Variants in HIBCH observed in about 807,000 individuals in gnomAD.
The protein encoded by HIBCH is 3-hydroxyisobutyryl-CoA hydrolase, also known as 3-hydroxyisobutyryl-CoA hydrolase, mitochondrial.
Under a neutral mutation model 58.2 loss-of-function variants are expected in HIBCH, and 50 were observed. The ratio of observed to expected loss-of-function variants is 0.86; its 90% CI spans 0.68 to 1.09. The LOEUF is 1.09. Among genes scored for constraint, HIBCH ranks in the 50% least tolerant of loss-of-function variants. The pLI is 0.00. For missense variants in HIBCH, 450 were observed against 449.7 expected (o/e 1.00, Z -0.01); for synonymous variants, 151 against 146.9 (o/e 1.03, Z -0.20).
At chr2:190,229,420 G>A (rs1334232929) in intron 11 of HIBCH, among the ~76,000 whole-genome samples, 2 of 152,124 alleles carry the variant, frequency 1.3e-5, no homozygotes, top group African/African-American at 2.4e-5. Context: ...CTGAATAAAG[G>A]CTGTAGCATA....
chr2:190,291,458 G>A (rs1197566194), intron 4 of HIBCH, among the ~76,000 whole-genome samples: 6 of 152,024 alleles, frequency 3.9e-5, no homozygotes, highest in Non-Finnish European at 8.8e-5. Flanking sequence ...ATGACAGAAA[G>A]AAAAATTCTG....
At chr2:190,196,866 G>C (rs1690003461) in intron 1 of HIBCH, among the ~76,000 whole-genome samples, 1 of 152,126 alleles carries the variant, frequency 6.6e-6, no homozygotes, top group African/African-American at 2.4e-5. Flanking sequence ...GTCCATTCAG[G>C]ATGGTATAAC....
chr2:190,193,068 C>G (rs75606571), intron 1 of HIBCH, among the ~76,000 whole-genome samples: 3 of 152,092 alleles, frequency 2.0e-5, no homozygotes, highest in Non-Finnish European at 4.4e-5. Context: ...ATGACTATTG[C>G]TGCCTTGCTC....
At chr2:190,257,006 C>A (rs978424166) in intron 7 of HIBCH, among the ~76,000 whole-genome samples, 2 of 152,006 alleles carry the variant, frequency 1.3e-5, no homozygotes, top group Admixed American at 6.6e-5. Flanking sequence ...TTCCTGAAAA[C>A]GGAATGGGTG....
At chr2:190,200,784 G>GAGAT (rs1292057367), downstream of HIBCH, 1 of 167,512 alleles carries the variant, frequency 6.0e-6, no homozygotes, top group African/African-American at 2.4e-5. Context: ...AGCCATCTTA[G>GAGAT]AGATAACAGT....
chr2:190,206,152 G>C lies in HIBCH; in HGVS notation c.1046-920C>G, dbSNP rs976450093. On this transcript the variant is annotated intron_variant, in intron 13 of 13. Transcript: ENST00000359678. The surrounding 1 kb of genome is among the most constrained non-coding windows in gnomAD (Gnocchi z 5.1). Reference sequence around the variant, plus strand: ...GCTAAAATAGTTAAAGAAGCAGTATGGGAACCAAGGAAGAAGACTGCCTTG... The same window carrying C: ...GCTAAAATAGTTAAAGAAGCAGTATCGGAACCAAGGAAGAAGACTGCCTTG... Among the ~76,000 whole-genome samples, 5 of 152,160 alleles carry C rather than the reference G, an allele frequency of 3.3e-5. No homozygotes were observed. The highest frequency in any genetic ancestry group is 7.4e-5 in the Non-Finnish European group (5 of 68,022).
At chr2:190,319,346 T>C (rs1414763307) in intron 1 of HIBCH, among the ~76,000 whole-genome samples, 1 of 152,228 alleles carries the variant, frequency 6.6e-6, no homozygotes, top group Non-Finnish European at 1.5e-5. Context: ...AGCACCTGTG[T>C]GTGCTGGCTG....
Position 190,243,278 on chromosome 2 carries a change from G to A in HIBCH, c.891+1609C>T, listed in dbSNP as rs2105931703. ...CCTGTATCTTTCTCCCATGCTGGAT[G>A]CTTCCTGCCCTTGAACATCAGACCC... On this transcript the variant is annotated intron_variant, in intron 11 of 13. Coordinates refer to ENST00000359678, the MANE Select transcript of HIBCH (RefSeq NM_014362.4). This position sits in a 1 kb window ranked among gnomAD's most constrained non-coding sequence, Gnocchi z 4.1. 6.6e-6 allele frequency among the ~76,000 whole-genome samples: 1 copy of A among 152,278 alleles called. No homozygotes were observed. Among genetic ancestry groups the A allele is most frequent in the East Asian group, 1.9e-4 (1 of 5,192 alleles).
intron 7 of HIBCH, among the ~76,000 whole-genome samples, chr2:190,259,319 A>ATGTATGTGTG (rs1553501619): frequency 2.5e-4 from 30 of 122,204 alleles, no homozygotes; most frequent in Non-Finnish European, 3.9e-4. Context: ...CAGTATACAG[A>ATGTATGTGTG]TGTGTGTGTG....
At chr2:190,232,291 C>CCAAA (rs1686124248) in intron 11 of HIBCH, among the ~76,000 whole-genome samples, 1 of 152,070 alleles carries the variant, frequency 6.6e-6, no homozygotes, top group Non-Finnish European at 1.5e-5. Flanking sequence ...TCAAAAAACA[C>CCAAA]CAAATATCTA....
chr2:190,195,369 G>GAATC lies in HIBCH; in HGVS notation c.*18-5373_*18-5372insGATT, dbSNP rs199963566. Among the ~76,000 whole-genome samples, 1,135 of 152,320 alleles carry GAATC rather than the reference G, an allele frequency of 7.5e-3. 5 individuals are homozygous for GAATC. Among genetic ancestry groups the GAATC allele is most frequent in the Middle Eastern group, 0.014 (4 of 294 alleles). ...GCAGAACTGCTGGATCATACAGTAA[G>GAATC]AATGTTTCACTTTCTAAGAAACTGC... On this transcript the variant is annotated intron_variant, in intron 1 of 1. Transcript: ENST00000399855.
intron 9 of HIBCH, among the ~76,000 whole-genome samples, 179 bp from the exon 10 acceptor site, chr2:190,246,391 C>G (rs1686609298): frequency 6.6e-6 from 1 of 152,182 alleles, no homozygotes; most frequent in Non-Finnish European, 1.5e-5. Context: ...ATGTAGAACT[C>G]TAGACTAGCT....
chr2:190,196,056 C>T lies in HIBCH; in HGVS notation c.*18-6059G>A, dbSNP rs567135336. On this transcript the variant is annotated intron_variant, in intron 1 of 1. Coordinates refer to the HIBCH transcript ENST00000399855. ...AACTAGTCTGATCATCTCTGCCTTT[C>T]AATTGTTATTTTTAGTCCATTTTCT... 1.8e-4 allele frequency among the ~76,000 whole-genome samples: 22 copies of T among 123,846 alleles called. No homozygotes were observed. In the East Asian group the frequency reaches 4.9e-3, roughly 28 times the overall value. The allele number at this position is 123,846 out of a possible 152,430, so 81.2% of individuals were successfully genotyped here. A position where few individuals can be genotyped will look rare whatever the true frequency, so the allele number is the denominator to read the frequency against.
At chr2:190,259,672 A>G (rs1687032759) in intron 7 of HIBCH, among the ~76,000 whole-genome samples, 1 of 152,178 alleles carries the variant, frequency 6.6e-6, no homozygotes, top group African/African-American at 2.4e-5. Flanking sequence ...TAGTGTATAG[A>G]AATGCTGATT....
chr2:190,248,954 C>T (rs1449652426), intron 9 of HIBCH, among the ~76,000 whole-genome samples: 1 of 152,098 alleles, frequency 6.6e-6, no homozygotes, highest in Non-Finnish European at 1.5e-5. Flanking sequence ...GACCTAGTCC[C>T]TTTAGAAGGG....
At chr2:190,221,719 C>T (rs112273259) in intron 11 of HIBCH, among the ~76,000 whole-genome samples, 501 of 152,258 alleles carry the variant, frequency 3.3e-3, no homozygotes, top group African/African-American at 0.012. Flanking sequence ...AAAAACCTCA[C>T]CCAGCAGAGA....
chr2:190,318,662 A>G (rs970931418), intron 1 of HIBCH, among the ~76,000 whole-genome samples: 1 of 152,216 alleles, frequency 6.6e-6, no homozygotes, highest in African/African-American at 2.4e-5. Context: ...AAGTCAGCTA[A>G]CTTTAACAAA....
At chr2:190,256,929 GAA>G (rs1686940603) in intron 7 of HIBCH, among the ~76,000 whole-genome samples, 1 of 152,054 alleles carries the variant, frequency 6.6e-6, no homozygotes, top group Non-Finnish European at 1.5e-5. Context: ...TATCTAAAAT[GAA>G]AGAGAGAAAA....
intron 1 of HIBCH, among the ~76,000 whole-genome samples, chr2:190,316,410 C>A (rs1471725231): frequency 1.3e-5 from 2 of 152,166 alleles, no homozygotes; most frequent in Non-Finnish European, 2.9e-5. Context: ...AGACTTGAGT[C>A]ACCATGCCCA....
Sources: allele counts gnomAD v4.1 joint callset (sites outside exome capture counted in the v4.1 genomes callset), GRCh38; gene constraint gnomAD v4.1.1; non-coding constraint Gnocchi (gnomAD v3.1); transcripts MANE v1.5; gene names NCBI Gene and HGNC (gene_info 2026-07-23, HGNC 2026-07-21).